The following ZNF407 variants were observed in gnomAD, a reference collection of about 807,000 sequenced individuals.
ZNF407 encodes zinc finger protein 407.
A neutral mutation model predicts 131.2 loss-of-function variants in ZNF407; 17 were observed. The observed-to-expected ratio is 0.13, with a 90% CI of 0.09 to 0.19. ZNF407 has a LOEUF of 0.19. Among genes scored for constraint, ZNF407 ranks in the 10% least tolerant of loss-of-function variants. The pLI is 1.00. For missense variants in ZNF407, 2,681 were observed against 2,830.6 expected, an observed-to-expected ratio of 0.95 and a Z score of 1.20; for synonymous variants, 1,156 against 1,062.0, an observed-to-expected ratio of 1.09 and a Z score of -1.72.
intron 3 of ZNF407, among the ~76,000 whole-genome samples, chr18:74,656,759 G>C (rs1378513572): frequency 6.6e-6 from 1 of 152,144 alleles, no homozygotes; most frequent in Non-Finnish European, 1.5e-5. Context: ...AGCTGAGTGA[G>C]GAAGATTGTT....
At chr18:74,709,463 G>A (rs1165414570) in intron 3 of ZNF407, among the ~76,000 whole-genome samples, 1 of 152,152 alleles carries the variant, frequency 6.6e-6, no homozygotes, top group Non-Finnish European at 1.5e-5. Flanking sequence ...TAATTTTGTA[G>A]TTACATGTTC....
chr18:75,036,169 T>C (rs1336126964), intron 8 of ZNF407, among the ~76,000 whole-genome samples: 5 of 152,258 alleles, frequency 3.3e-5, no homozygotes, highest in Non-Finnish European at 7.3e-5. Context: ...AAAGTGATAC[T>C]GAGAGTTCTG....
Position 74,631,609 on chromosome 18 carries a change from C to T in ZNF407, c.590C>T (p.Ser197Phe). The change falls in exon 2 of 9, where the codon TCT (serine) becomes TTT (phenylalanine). Residue 197 changes from serine (S) to phenylalanine (F), a missense_variant. By Grantham distance (155) the Ser-to-Phe change is radical (BLOSUM62 -2). Transcript: ENST00000299687. ...AGCATCTGTGGGCATTTGTTTTCTT[C>T]TTGCTCTGACTTGGAAAAACATGCT... Reference protein sequence around the residue: ...KCSICGHLFSSCSDLEKHAES... With the variant: ...KCSICGHLFSFCSDLEKHAES... 6.2e-7 allele frequency: 1 copy of T among 1,613,866 alleles called. No homozygotes were observed. The highest frequency in any genetic ancestry group is 8.5e-7 in the Non-Finnish European group (1 of 1,179,898).
chr18:74,686,152 T>C (rs778026775), intron 3 of ZNF407, among the ~76,000 whole-genome samples: 7 of 152,258 alleles, frequency 4.6e-5, no homozygotes, highest in Admixed American at 2.0e-4. Flanking sequence ...TCTTTCACTT[T>C]GGGTTTTCCC....
chr18:74,631,952 A>G lies in ZNF407; in HGVS notation c.933A>G (p.Ile311Met). Residue 311 changes from isoleucine to methionine, a missense_variant, in exon 2 of 9, where the codon ATA becomes ATG. Coordinates refer to ENST00000299687, the MANE Select transcript of ZNF407 (RefSeq NM_017757.3). ...VHSKPRTSKS[I>M]AKNSDSKGLR... The stretch of plus-strand genomic sequence containing the variant: ...CAAAACCAAGAACTTCTAAATCAAT[A>G]GCAAAGAATAGTGATTCAAAAGGAT... 1 of 1,614,006 alleles carries G rather than the reference A, an allele frequency of 6.2e-7. No individual in the cohort carries two copies. Among genetic ancestry groups the G allele is most frequent in the Non-Finnish European group, 8.5e-7 (1 of 1,179,896 alleles).
rs118082497 is a variant in ZNF407 at position 74,813,346 on chromosome 18, C to G, written c.4877+31844C>G. Among the ~76,000 whole-genome samples, 1,304 of 152,258 alleles carry G rather than the reference C, an allele frequency of 8.6e-3. 9 individuals are homozygous for G. The highest frequency in any genetic ancestry group is 0.027 in the Middle Eastern group (8 of 294). On this transcript the variant is annotated intron_variant, in intron 4 of 8. Coordinates refer to ENST00000299687, the MANE Select transcript of ZNF407 (RefSeq NM_017757.3). The stretch of plus-strand genomic sequence containing the variant: ...GAGGTCTTGGGCTGAGTGCTTCAGG[C>G]TCACACTCTGCGCAGCTTCAGATCC...
chr18:74,657,901 T>TTC (rs1985538726), intron 3 of ZNF407, among the ~76,000 whole-genome samples: 2 of 147,660 alleles, frequency 1.4e-5, no homozygotes, highest in African/African-American at 5.1e-5. Flanking sequence ...CTCCTTTTCC[T>TTC]TTCTTCTTCT....
intron 8 of ZNF407, among the ~76,000 whole-genome samples, chr18:75,028,871 T>G (rs952543965): frequency 3.9e-5 from 6 of 152,234 alleles, no homozygotes; most frequent in Admixed American, 3.9e-4. Flanking sequence ...GCTCTGCATC[T>G]GCGAACATGG....
chr18:74,918,066 CT>C (rs1485033380), intron 7 of ZNF407, among the ~76,000 whole-genome samples: 1 of 152,132 alleles, frequency 6.6e-6, no homozygotes, highest in African/African-American at 2.4e-5. Flanking sequence ...GTTCCTTTTC[CT>C]TTTAACTGTC....
intron 3 of ZNF407, among the ~76,000 whole-genome samples, chr18:74,694,124 G>C (rs1198600763): frequency 6.6e-6 from 1 of 152,130 alleles, no homozygotes; most frequent in Non-Finnish European, 1.5e-5. Flanking sequence ...TTGTTCTGTG[G>C]TTCATTTTGT....
At chr18:74,863,854 A>C (rs1970972735) in intron 4 of ZNF407, among the ~76,000 whole-genome samples, 1 of 152,060 alleles carries the variant, frequency 6.6e-6, no homozygotes, top group Non-Finnish European at 1.5e-5. Flanking sequence ...CTATTCCACC[A>C]CCTTTGCATA....
intron 7 of ZNF407, among the ~76,000 whole-genome samples, chr18:74,896,234 T>C (rs1350791026): frequency 6.6e-6 from 1 of 152,048 alleles, no homozygotes; most frequent in East Asian, 1.9e-4. Context: ...ACAAACCTGG[T>C]TTGATCAGAA....
chr18:74,814,452 T>A (rs1397136509), intron 4 of ZNF407, among the ~76,000 whole-genome samples: 13 of 152,176 alleles, frequency 8.5e-5, no homozygotes, highest in Non-Finnish European at 7.3e-5. Context: ...CAATAAATGA[T>A]TGGTATTAGT....
At chr18:74,844,080 G>A (rs2628130) in intron 4 of ZNF407, among the ~76,000 whole-genome samples, 149,187 of 152,282 alleles carry the variant, frequency 0.98, 73,152 homozygotes, top group Non-Finnish European at 1. Flanking sequence ...GCACTGCCAC[G>A]AAACATTGTC....
intron 1 of ZNF407, among the ~76,000 whole-genome samples, chr18:74,606,863 A>T (rs1982829886): frequency 6.6e-6 from 1 of 152,240 alleles, no homozygotes; most frequent in Admixed American, 6.5e-5. Flanking sequence ...TTCAGAGACT[A>T]GTTGATGAGG....
At chr18:74,775,263 C>T (rs1969445240) in intron 3 of ZNF407, among the ~76,000 whole-genome samples, 1 of 152,124 alleles carries the variant, frequency 6.6e-6, no homozygotes, top group African/African-American at 2.4e-5. Context: ...ATTATCTATT[C>T]CACTCCACCC....
intron 8 of ZNF407, among the ~76,000 whole-genome samples, chr18:74,963,217 G>A (rs1300369391): frequency 7.0e-6 from 1 of 141,858 alleles, no homozygotes; most frequent in Non-Finnish European, 1.5e-5. Flanking sequence ...ATTGGGTTAT[G>A]CATTGCCTTT....
intron 1 of ZNF407, among the ~76,000 whole-genome samples, chr18:74,610,652 C>G (rs941884996): frequency 2.4e-4 from 37 of 152,132 alleles, no homozygotes; most frequent in African/African-American, 8.9e-4. Flanking sequence ...CTGGCCCAAA[C>G]AATTCTGCTG....
intron 8 of ZNF407, among the ~76,000 whole-genome samples, chr18:74,980,524 C>G (rs374227672): frequency 2.6e-5 from 4 of 152,006 alleles, no homozygotes; most frequent in African/African-American, 4.8e-5. Flanking sequence ...AGGCTGGTCT[C>G]GAATTCCTGA....
Sources: gnomAD v4.1 joint callset for allele counts (sites outside exome capture counted in the v4.1 genomes callset) on GRCh38, gnomAD v4.1.1 for gene constraint, MANE v1.5 for transcripts, NCBI Gene and HGNC (gene_info 2026-07-23, HGNC 2026-07-21) for gene names.